The following AFG2A variants were observed in gnomAD, a reference collection of about 807,000 sequenced individuals.
The protein encoded by AFG2A is AAA ATPase AFG2A.
chr4:123,277,719 A>T, the AFG2A span, among the ~76,000 whole-genome samples: 2 of 152,242 alleles, frequency 1.3e-5, no homozygotes, highest in East Asian at 3.9e-4. Flanking sequence ...CGTTTTCTGA[A>T]TCTATTGACA....
the AFG2A span, among the ~76,000 whole-genome samples, chr4:123,025,413 G>A: frequency 2.6e-5 from 4 of 152,198 alleles, no homozygotes; most frequent in Non-Finnish European, 4.4e-5. Context: ...CAAGATCACT[G>A]TATTTTGGGG....
chr4:123,188,644 A>G, the AFG2A span, among the ~76,000 whole-genome samples: 1 of 152,136 alleles, frequency 6.6e-6, no homozygotes, highest in Non-Finnish European at 1.5e-5. Context: ...TTTCCTTGAG[A>G]TGTACTGATC....
chr4:123,127,717 C>A, the AFG2A span, among the ~76,000 whole-genome samples: 5 of 151,988 alleles, frequency 3.3e-5, no homozygotes, highest in Admixed American at 1.3e-4. Flanking sequence ...ATTTTTTATT[C>A]AAAAATATTA....
chr4:123,079,938 A>G, the AFG2A span, among the ~76,000 whole-genome samples: 2 of 151,690 alleles, frequency 1.3e-5, no homozygotes, highest in Non-Finnish European at 2.9e-5. Context: ...TTTAGTAGAG[A>G]TGGGGTTTCA....
the AFG2A span, among the ~76,000 whole-genome samples, chr4:123,243,197 C>G: frequency 6.6e-6 from 1 of 152,162 alleles, no homozygotes; most frequent in Non-Finnish European, 1.5e-5. Context: ...GGTGATTCCT[C>G]AAGGATCTAG....
the AFG2A span, among the ~76,000 whole-genome samples, chr4:123,010,497 A>ATTCAAAACAGC: frequency 2.0e-5 from 3 of 152,176 alleles, no homozygotes; most frequent in Admixed American, 2.0e-4. Flanking sequence ...TTCAAAACAG[A>ATTCAAAACAGC]CATGCAGTAA....
At chr4:123,057,117 GGTTTGGTTCTAA>G in the AFG2A span, 1 of 1,310,390 alleles carries the variant, frequency 7.6e-7, no homozygotes, top group Non-Finnish European at 1.1e-6. Context: ...GTACCTAATA[GGTTTGGTTCTAA>G]ATATAGTTTT....
chr4:122,938,111 CTTGT>C, the AFG2A span: 1 of 1,566,878 alleles, frequency 6.4e-7, no homozygotes, highest in South Asian at 1.2e-5. Context: ...TTTCATTTTA[CTTGT>C]TTGTTTTTAG....
At chr4:122,976,222 A>T in the AFG2A span, among the ~76,000 whole-genome samples, 1 of 152,200 alleles carries the variant, frequency 6.6e-6, no homozygotes, top group African/African-American at 2.4e-5. Flanking sequence ...AACTCCTTCA[A>T]AGTGGAATTT....
chr4:122,976,554 A>G, the AFG2A span, among the ~76,000 whole-genome samples: 1 of 152,106 alleles, frequency 6.6e-6, no homozygotes, highest in Non-Finnish European at 1.5e-5. Flanking sequence ...ATGCTATTCA[A>G]TTGATGGGCT....
At chr4:123,269,844 G>A in the AFG2A span, among the ~76,000 whole-genome samples, 1 of 152,206 alleles carries the variant, frequency 6.6e-6, no homozygotes, top group Non-Finnish European at 1.5e-5. Flanking sequence ...TTGAGATGGA[G>A]TCTCGCTCTG....
chr4:123,276,358 T>C, the AFG2A span, among the ~76,000 whole-genome samples: 4 of 152,310 alleles, frequency 2.6e-5, no homozygotes, highest in Admixed American at 2.0e-4. Flanking sequence ...TAAATGTAAG[T>C]TCCTTATAGA....
At chr4:122,952,220 C>T in the AFG2A span, among the ~76,000 whole-genome samples, 308 of 152,252 alleles carry the variant, frequency 2.0e-3, 1 homozygote, top group Admixed American at 3.3e-3. Context: ...ATCCTAAAGG[C>T]GCATATGTAT....
At chr4:123,118,619 T>C in the AFG2A span, among the ~76,000 whole-genome samples, 1 of 151,832 alleles carries the variant, frequency 6.6e-6, no homozygotes, top group East Asian at 1.9e-4. Context: ...AAGAGTAATC[T>C]TGTCCAGGTG....
At chr4:122,988,065 GT>G in the AFG2A span, among the ~76,000 whole-genome samples, 131,385 of 148,344 alleles carry the variant, frequency 0.89, 58,566 homozygotes, top group East Asian at 0.96. Flanking sequence ...TTTGTTGGCA[GT>G]TTTTTTTTTT....
At chr4:123,057,804 A>AAT in the AFG2A span, among the ~76,000 whole-genome samples, 8,001 of 125,154 alleles carry the variant, frequency 0.064, 344 homozygotes, top group East Asian at 0.17. Context: ...ATTTCAAACA[A>AAT]ATATATACAC....
the AFG2A span, among the ~76,000 whole-genome samples, chr4:122,984,622 C>T: frequency 6.6e-6 from 1 of 152,046 alleles, no homozygotes; most frequent in Admixed American, 6.6e-5. Flanking sequence ...TAAGGTATGT[C>T]CCATGTATAC....
At chr4:123,171,600 C>T in the AFG2A span, among the ~76,000 whole-genome samples, 3,286 of 152,210 alleles carry the variant, frequency 0.022, 109 homozygotes, top group African/African-American at 0.074. Context: ...ATAGCATTTT[C>T]ACATTGTATT....
the AFG2A span, among the ~76,000 whole-genome samples, chr4:123,222,234 C>T: frequency 6.6e-6 from 1 of 152,196 alleles, no homozygotes; most frequent in Non-Finnish European, 1.5e-5. Context: ...ATTTAGAACA[C>T]TATGTCAAGA....
Sources: allele counts gnomAD v4.1 joint callset (sites outside exome capture counted in the v4.1 genomes callset), GRCh38; gene constraint gnomAD v4.1.1; transcripts MANE v1.5; gene names NCBI Gene and HGNC (gene_info 2026-07-23, HGNC 2026-07-21).